Variants in FREM2 observed in about 807,000 individuals in gnomAD.
FREM2 encodes the protein FRAS1-related extracellular matrix protein 2.
In FREM2, 119 loss-of-function variants were observed where a neutral mutation model predicts 219.9. The observed-to-expected ratio is 0.54, with a 90% CI of 0.47 to 0.63. The LOEUF is 0.63. Ranked by LOEUF, FREM2 falls within the 30% of genes least tolerant of loss-of-function variation. FREM2 has a pLI of 0.00. For missense variants in FREM2, 4,030 were observed against 3,993.6 expected (o/e 1.01, Z -0.25); for synonymous variants, 1,562 against 1,522.8 (o/e 1.03, Z -0.60).
In FREM2 at chr13:38,688,920, G is replaced by C. The variant is rs897274644; in HGVS notation, c.1576G>C (p.Gly526Arg). The C allele has an allele frequency of 6.2e-7, 1 of 1,612,472 alleles. No individual in the cohort carries two copies. Residue 526 changes from glycine (G) to arginine (R), a missense_variant, in exon 1 of 24, where the codon GGC (glycine) becomes CGC (arginine). Around this residue, in one of 2 missense-constraint regions of FREM2, gnomAD observed 3,102 missense variants for 2,950.7 expected, o/e 1.05. Transcript: ENST00000280481. Reference sequence around the variant, plus strand: ...GGTCTACCAGCATGATGACAGAGACGGCTCGCTGAGCGACAACCTGGTGCT... The same window carrying C: ...GGTCTACCAGCATGATGACAGAGACCGCTCGCTGAGCGACAACCTGGTGCT... ...QVVYQHDDRDGSLSDNLVLRM... is the reference protein window; with the variant it reads ...QVVYQHDDRDRSLSDNLVLRM...
chr13:38,819,575 C>T (rs1287718182), intron 6 of FREM2, among the ~76,000 whole-genome samples: 1 of 151,964 alleles, frequency 6.6e-6, no homozygotes, highest in Admixed American at 6.6e-5. Context: ...GGTTGTGGTA[C>T]CGATTAGGAT....
chr13:38,693,170 G>C (rs570274131), intron 1 of FREM2, among the ~76,000 whole-genome samples: 2 of 152,268 alleles, frequency 1.3e-5, no homozygotes, highest in Non-Finnish European at 2.9e-5. Flanking sequence ...TATTTACAGG[G>C]CATGCTACTA....
intron 2 of FREM2, among the ~76,000 whole-genome samples, chr13:38,725,525 C>T (rs985764563): frequency 1.3e-5 from 2 of 152,100 alleles, no homozygotes; most frequent in Non-Finnish European, 2.9e-5. Context: ...CTGGAAAGAC[C>T]GGGGAGAAAT....
Position 38,881,679 on chromosome 13 carries a change from A to G in FREM2, c.*892A>G, listed in dbSNP as rs1323560138. On this transcript the variant is annotated 3_prime_UTR_variant, in exon 24 of 24. Coordinates refer to ENST00000280481, the MANE Select transcript of FREM2 (RefSeq NM_207361.6). ...CTAAGAACTGAGCCTAGATGTTTGC[A>G]GTATTGAACCCATAAATGATAATAA... 6 of 152,764 alleles carry G rather than the reference A, an allele frequency of 3.9e-5. No individual in the cohort carries two copies. Among genetic ancestry groups the G allele is most frequent in the Admixed American group, 2.0e-4 (3 of 15,306 alleles). 9.5% of individuals were successfully genotyped at this position (152,764 alleles called of 1,614,324 possible).
At chr13:38,714,371 T>G (rs1421291555) in intron 2 of FREM2, among the ~76,000 whole-genome samples, 1 of 152,198 alleles carries the variant, frequency 6.6e-6, no homozygotes, top group Non-Finnish European at 1.5e-5. Flanking sequence ...AAAGTGAAGT[T>G]ATAATTTGTT....
chr13:38,783,231 A>C, intron 5 of FREM2, 36 bp downstream of exon 5: 1 of 1,611,880 alleles, frequency 6.2e-7, no homozygotes, highest in Non-Finnish European at 8.5e-7. Flanking sequence ...GATAACCCCC[A>C]AAAGATATAA....
At chr13:38,809,249 A>G in intron 6 of FREM2, among the ~76,000 whole-genome samples, 1 of 150,036 alleles carries the variant, frequency 6.7e-6, no homozygotes, top group South Asian at 2.1e-4. Flanking sequence ...CATTTTAATG[A>G]TATATATCTA....
intron 1 of FREM2, among the ~76,000 whole-genome samples, chr13:38,696,566 C>T (rs1870113802): frequency 6.6e-6 from 1 of 152,118 alleles, no homozygotes; most frequent in Non-Finnish European, 1.5e-5. Flanking sequence ...CTTAGAAACT[C>T]ACTGATTGGC....
At chr13:38,736,557 A>C (rs1872003325) in intron 2 of FREM2, among the ~76,000 whole-genome samples, 1 of 152,238 alleles carries the variant, frequency 6.6e-6, no homozygotes, top group Non-Finnish European at 1.5e-5. Flanking sequence ...ATGTTTATTT[A>C]ATATGGCATT....
At chr13:38,757,987 T>C (rs914625624) in intron 2 of FREM2, among the ~76,000 whole-genome samples, 18 of 152,166 alleles carry the variant, frequency 1.2e-4, no homozygotes, top group African/African-American at 3.9e-4. Flanking sequence ...GAGGAGGGAG[T>C]GTTCAGAAGG....
intron 6 of FREM2, among the ~76,000 whole-genome samples, chr13:38,806,878 T>G (rs1875248224): frequency 6.6e-6 from 1 of 151,780 alleles, no homozygotes; most frequent in Non-Finnish European, 1.5e-5. Flanking sequence ...ATAAACTAAA[T>G]CCTTTGTTGT....
At chr13:38,736,382 T>G (rs991935094) in intron 2 of FREM2, among the ~76,000 whole-genome samples, 1 of 152,212 alleles carries the variant, frequency 6.6e-6, no homozygotes. Flanking sequence ...GCCATGATTT[T>G]ATTAACTGAT....
In FREM2 at chr13:38,748,017, C is replaced by T. The variant is rs113858318; in HGVS notation, c.5264-16287C>T. Among the ~76,000 whole-genome samples the T allele has an allele frequency of 6.6e-3, 1,009 of 152,090 alleles. 9 individuals are homozygous for T. The highest frequency in any genetic ancestry group is 0.023 in the African/African-American group (961 of 41,492). ...TAAGATCCAACTGAAAACAGGAGGC[C>T]GACATAGCTCGTTGTACATTGTTGG... is the stretch of plus-strand genomic sequence containing the variant. On this transcript the variant is annotated intron_variant, in intron 2 of 23. Coordinates refer to ENST00000280481, the MANE Select transcript of FREM2 (RefSeq NM_207361.6).
intron 2 of FREM2, among the ~76,000 whole-genome samples, chr13:38,742,721 T>C (rs1593378626): frequency 6.6e-6 from 1 of 152,364 alleles, no homozygotes; most frequent in East Asian, 1.9e-4. Context: ...CATCTTTGTG[T>C]ACTTTTCTAA....
intron 16 of FREM2, among the ~76,000 whole-genome samples, chr13:38,869,273 C>G (rs1878076885): frequency 6.6e-6 from 1 of 152,172 alleles, no homozygotes; most frequent in Non-Finnish European, 1.5e-5. Flanking sequence ...CTCCAACCTC[C>G]CAATTTCGAT....
rs372782469 is a variant in FREM2, at chr13:38,784,793, C to T, written c.6004C>T (p.Pro2002Ser). 1.1e-5 allele frequency: 18 copies of T among 1,614,114 alleles called. No individual in the cohort carries two copies. In the East Asian group the frequency reaches 2.7e-4, roughly 24 times the overall value. Reference protein sequence around the residue: ...EFPGAQVTIVPDKDDEPIFYF... With the variant: ...EFPGAQVTIVSDKDDEPIFYF... ...CCCAGGGGCTCAAGTTACAATCGTT[C>T]CTGACAAAGATGATGGTGAGTACTA... The change falls in exon 6 of 24, where the codon CCT (proline) becomes TCT (serine). Residue 2002 changes from proline to serine, a missense_variant. Around this residue, in one of 2 missense-constraint regions of FREM2, gnomAD observed 3,102 missense variants for 2,950.7 expected, o/e 1.05. Transcript: ENST00000280481.
chr13:38,688,615 C>A lies in FREM2; in HGVS notation c.1271C>A (p.Pro424His), dbSNP rs1374812044. ...GATCTAGAAGGAGCAGCTTCAGACC[C>A]TTTTGCCTTCATGGTAGTGGTGAAG... ...VVDLEGAASD[P>H]FAFMVVVKPM... Residue 424 changes from proline (P) to histidine (H), a missense_variant, in exon 1 of 24, where the codon CCT becomes CAT. Around this residue, in one of 2 missense-constraint regions of FREM2, gnomAD observed 3,102 missense variants for 2,950.7 expected, o/e 1.05. Coordinates refer to ENST00000280481, the MANE Select transcript of FREM2 (RefSeq NM_207361.6). The A allele has an allele frequency of 1.2e-6, 2 of 1,614,138 alleles. No individual in the cohort carries two copies. The highest frequency in any genetic ancestry group is 1.7e-6 in the Non-Finnish European group (2 of 1,179,996).
chr13:38,719,631 C>T (rs1400896251), intron 2 of FREM2, among the ~76,000 whole-genome samples: 1 of 152,208 alleles, frequency 6.6e-6, no homozygotes, highest in Non-Finnish European at 1.5e-5. Context: ...AGGATAATCT[C>T]TTCATCTCGA....
In FREM2 at chr13:38,757,083, G is replaced by A. The variant is rs1453011548; in HGVS notation, c.5264-7221G>A. ...TAAATTTTCATGAGTAGAGCAGTTT[G>A]TAAATATGGAATCCAGGAATAATGA... On this transcript the variant is annotated intron_variant, in intron 2 of 23. Transcript: ENST00000280481. Among the ~76,000 whole-genome samples, 7 of 152,100 alleles carry A rather than the reference G, an allele frequency of 4.6e-5. No individual in the cohort carries two copies. In the East Asian group the frequency reaches 1.2e-3, roughly 25 times the overall value.
Sources: allele counts gnomAD v4.1 joint callset (sites outside exome capture counted in the v4.1 genomes callset), GRCh38; gene constraint gnomAD v4.1.1; regional missense constraint gnomAD v4.1.1; transcripts MANE v1.5; gene names NCBI Gene and HGNC (gene_info 2026-07-23, HGNC 2026-07-21).